The following DMRT3 variants were observed in gnomAD, a reference collection of about 807,000 sequenced individuals.
DMRT3 encodes doublesex- and mab-3-related transcription factor 3.
DMRT3 carries 29 observed loss-of-function variants against 34.9 expected under a neutral mutation model. The observed-to-expected ratio is 0.83, with a 90% CI of 0.62 to 1.13. The LOEUF is 1.13. Ranked by LOEUF, DMRT3 falls within the 50% of genes most tolerant of loss-of-function variation. The probability of loss-of-function intolerance (pLI) is 0.00; values close to 1 mark genes in which losing one functional copy is unlikely to be tolerated. For synonymous variants in DMRT3, 350 were observed against 286.0 expected (o/e 1.22, Z -2.26); for missense variants, 772 against 629.1 (o/e 1.23, Z -2.43).
rs147112514 is a variant in DMRT3 at position 990,624 on chromosome 9, T to G, written c.1038T>G (p.Ser346=). Residue 346 remains serine (S), a synonymous_variant, in exon 2 of 2, where the codon TCT becomes TCG. Transcript: ENST00000190165. ...ACACGTTGAGGTTTTCTGCCGACTC[T>G]AGCAACGTTGTCCCCAGTCCCTTGG... is the stretch of plus-strand genomic sequence containing the variant. ...VPDTLRFSAD[S]SNVVPSPLAG... 345 of 1,614,126 alleles carry G rather than the reference T, an allele frequency of 2.1e-4. 1 individual carries two copies. The African/African-American group carries it at 4.2e-3, about 20-fold the overall frequency.
chr9:990,401 A>G lies in DMRT3; in HGVS notation c.815A>G (p.Lys272Arg). 1 of 1,614,080 alleles carries G rather than the reference A, an allele frequency of 6.2e-7. No homozygotes were observed. Residue 272 changes from lysine to arginine, a missense_variant, in exon 2 of 2, where the codon AAG becomes AGG. By Grantham distance (26) the Lys-to-Arg change is conservative. Coordinates refer to ENST00000190165, the MANE Select transcript of DMRT3 (RefSeq NM_021240.4). The part of the protein sequence containing the change: ...QKPTVLELIL[K>R]GCGGDLVSAV... The stretch of plus-strand genomic sequence containing the variant: ...CCAACGGTGCTTGAGCTCATCCTCA[A>G]GGGCTGTGGCGGGGACCTGGTGAGC...
At chr9:983,581 A>G (rs1820247960) in intron 1 of DMRT3, among the ~76,000 whole-genome samples, 1 of 152,222 alleles carries the variant, frequency 6.6e-6, no homozygotes, top group Non-Finnish European at 1.5e-5. Flanking sequence ...ACAGTACATG[A>G]GAGCATAGTA....
chr9:990,862 C>G lies in DMRT3; in HGVS notation c.1276C>G (p.Pro426Ala). ...CGTCTTCAGAAGCTCGCCCGTCCTT[C>G]CTGCCCGCGCCACGGAAGACCCTCG... is the stretch of plus-strand genomic sequence containing the variant. The part of the protein sequence containing the change: ...TSVFRSSPVL[P>A]ARATEDPRIS... Residue 426 changes from proline to alanine, a missense_variant, in exon 2 of 2, where the codon CCT becomes GCT. Physicochemically the swap from Pro to Ala is conservative, Grantham distance 27. Transcript: ENST00000190165. The G allele has an allele frequency of 6.2e-7, 1 of 1,614,180 alleles. No homozygotes were observed. Among genetic ancestry groups the G allele is most frequent in the South Asian group, 1.1e-5 (1 of 91,080 alleles).
At chr9:985,784 C>A (rs986520106) in intron 1 of DMRT3, among the ~76,000 whole-genome samples, 1 of 152,182 alleles carries the variant, frequency 6.6e-6, no homozygotes, top group African/African-American at 2.4e-5. Context: ...AACAGCCTTA[C>A]ATGTTGATGG....
intron 1 of DMRT3, among the ~76,000 whole-genome samples, chr9:983,790 C>G (rs1820249631): frequency 6.6e-6 from 1 of 152,130 alleles, no homozygotes; most frequent in African/African-American, 2.4e-5. Context: ...CTTCCTTCAG[C>G]CCAGTCCTGT....
intron 1 of DMRT3, among the ~76,000 whole-genome samples, chr9:982,487 A>T (rs1452782377): frequency 6.6e-6 from 1 of 152,232 alleles, no homozygotes; most frequent in African/African-American, 2.4e-5. Flanking sequence ...TTAAAAGATT[A>T]CAGTAATCAC....
At chr9:985,197 A>C (rs1167663028) in intron 1 of DMRT3, among the ~76,000 whole-genome samples, 1 of 152,246 alleles carries the variant, frequency 6.6e-6, no homozygotes, top group Admixed American at 6.5e-5. Flanking sequence ...CATGTTTAGC[A>C]ATAGAAACAG....
At chr9:980,891 C>G (rs1820208715) in intron 1 of DMRT3, among the ~76,000 whole-genome samples, 1 of 152,152 alleles carries the variant, frequency 6.6e-6, no homozygotes, top group African/African-American at 2.4e-5. Flanking sequence ...AGGGGAGTGT[C>G]CTCGGACACC....
chr9:989,389 G>A (rs182982058), intron 1 of DMRT3, among the ~76,000 whole-genome samples: 29 of 152,222 alleles, frequency 1.9e-4, no homozygotes, highest in Middle Eastern at 6.8e-3. Context: ...ACAAGTTATT[G>A]GCAACCAAGT....
chr9:976,996 C>T lies in DMRT3; in HGVS notation c.-6C>T, dbSNP rs951533576. 4 of 1,483,918 alleles carry T rather than the reference C, an allele frequency of 2.7e-6. No homozygotes were observed. The highest frequency in any genetic ancestry group is 2.7e-6 in the Non-Finnish European group (3 of 1,115,668). 91.9% of individuals were successfully genotyped at this position (1,483,918 alleles called of 1,614,324 possible). ...CAGGCTGCCAACTCATTCGGGAGCC[C>T]GGGGCATGAACGGCTACGGCTCCCC... On this transcript the variant is annotated 5_prime_UTR_variant, in exon 1 of 2. Transcript: ENST00000190165. The surrounding 1 kb of genome is among the most constrained non-coding windows in gnomAD (Gnocchi z 4.5).
intron 1 of DMRT3, among the ~76,000 whole-genome samples, chr9:989,064 G>A (rs984194171): frequency 1.3e-5 from 2 of 152,148 alleles, no homozygotes; most frequent in African/African-American, 4.8e-5. Context: ...TTTATCGCAA[G>A]TCTCTGCTTT....
intron 1 of DMRT3, among the ~76,000 whole-genome samples, chr9:986,720 G>T (rs976828032): frequency 6.6e-6 from 1 of 151,902 alleles, no homozygotes. Flanking sequence ...GTGAAACCCT[G>T]TCTCTACTAC....
At chr9:986,061 A>G (rs924011334) in intron 1 of DMRT3, among the ~76,000 whole-genome samples, 42 of 152,226 alleles carry the variant, frequency 2.8e-4, no homozygotes, top group African/African-American at 9.9e-4. Context: ...GGTGTAATCT[A>G]TCACCACTCC....
At chr9:978,318 T>C (rs181293647) in intron 1 of DMRT3, among the ~76,000 whole-genome samples, 1 of 152,316 alleles carries the variant, frequency 6.6e-6, no homozygotes, top group East Asian at 1.9e-4. Context: ...GTCTCTCTCT[T>C]CCTGGGGAAT....
chr9:979,127 A>G (rs1820186486), intron 1 of DMRT3, among the ~76,000 whole-genome samples: 2 of 152,136 alleles, frequency 1.3e-5, no homozygotes. Flanking sequence ...GTGATCGGGC[A>G]TTGGGTTCTG....
chr9:990,349 T>A lies in DMRT3; in HGVS notation c.763T>A (p.Leu255Ile). ...LKANRPPLEV[L>I]KKIFPNQKPT... ...AGCCAACAGACCGCCGCTTGAAGTG[T>A]TAAAAAAGATATTCCCCAACCAGAA... Residue 255 changes from leucine to isoleucine, a missense_variant, in exon 2 of 2, where the codon TTA becomes ATA. Coordinates refer to ENST00000190165, the MANE Select transcript of DMRT3 (RefSeq NM_021240.4). 6.2e-7 allele frequency: 1 copy of A among 1,613,762 alleles called. No homozygotes were observed. The highest frequency in any genetic ancestry group is 8.5e-7 in the Non-Finnish European group (1 of 1,180,012).
chr9:977,018 C>G lies in DMRT3; in HGVS notation c.17C>G (p.Ser6Cys). 2 of 1,538,310 alleles carry G rather than the reference C, an allele frequency of 1.3e-6. No individual in the cohort carries two copies. The highest frequency in any genetic ancestry group is 8.7e-7 in the Non-Finnish European group (1 of 1,144,556). Residue 6 changes from serine to cysteine, a missense_variant, in exon 1 of 2, where the codon TCC (serine) becomes TGC (cysteine). Ser to Cys is a moderately radical substitution (Grantham distance 112). Coordinates refer to ENST00000190165, the MANE Select transcript of DMRT3 (RefSeq NM_021240.4). MNGYGSPYLYMGGPVS... is the reference protein window; with the variant it reads MNGYGCPYLYMGGPVS... ...GCCCGGGGCATGAACGGCTACGGCTCCCCCTACCTGTACATGGGCGGCCCG... is the reference window on the plus strand; with the variant it reads ...GCCCGGGGCATGAACGGCTACGGCTGCCCCTACCTGTACATGGGCGGCCCG...
Position 991,073 on chromosome 9 carries a change from G to C in DMRT3, c.*68G>C, listed in dbSNP as rs1820358490. On this transcript the variant is annotated 3_prime_UTR_variant, in exon 2 of 2. Coordinates refer to ENST00000190165, the MANE Select transcript of DMRT3 (RefSeq NM_021240.4). ...GTTTTGACCCTGAGGCATCTGAGGA[G>C]AGGCCACATCTTGTGTATGCCCTTT... The C allele has an allele frequency of 6.5e-7, 1 of 1,541,458 alleles. No homozygotes were observed. Among genetic ancestry groups the C allele is most frequent in the Non-Finnish European group, 8.8e-7 (1 of 1,141,308 alleles).
intron 1 of DMRT3, among the ~76,000 whole-genome samples, chr9:986,937 G>A (rs1463945908): frequency 6.7e-6 from 1 of 150,276 alleles, no homozygotes; most frequent in East Asian, 1.9e-4. Context: ...CTGTGCCTAT[G>A]TACGCTTTAT....
Sources: gnomAD v4.1 joint callset for allele counts (sites outside exome capture counted in the v4.1 genomes callset) on GRCh38, gnomAD v4.1.1 for gene constraint, Gnocchi (gnomAD v3.1) non-coding constraint, MANE v1.5 for transcripts, NCBI Gene and HGNC (gene_info 2026-07-23, HGNC 2026-07-21) for gene names.